The following FGF14 variants were observed in gnomAD, a reference collection of about 807,000 sequenced individuals.
The protein encoded by FGF14 is fibroblast growth factor homologous factor 4.
FGF14 carries 5 observed loss-of-function variants against 25.5 expected under a neutral mutation model. The observed-to-expected ratio is 0.20, with a 90% CI of 0.10 to 0.41. The LOEUF (loss-of-function observed/expected upper bound fraction) is 0.41. Ranked by LOEUF, FGF14 falls within the 10% of genes least tolerant of loss-of-function variation. The pLI, the probability that FGF14 is intolerant of heterozygous loss-of-function variation, is 1.00. For missense variants in FGF14, 222 were observed against 320.1 expected, an observed-to-expected ratio of 0.69 and a Z score of 2.34; for synonymous variants, 138 against 118.3, an observed-to-expected ratio of 1.17 and a Z score of -1.08.
chr13:101,921,656 A>C (rs1311474337), upstream of FGF14, among the ~76,000 whole-genome samples: 1 of 152,196 alleles, frequency 6.6e-6, no homozygotes, highest in Non-Finnish European at 1.5e-5. Flanking sequence ...TCAAAACCAA[A>C]GTCCTCACTG....
intron 1 of FGF14, chr13:102,045,839 T>C (rs906854059): frequency 1.3e-4 from 20 of 152,384 alleles, no homozygotes; most frequent in African/African-American, 4.8e-4. Flanking sequence ...TGGTAGCTAC[T>C]TGGAGGCACT....
intron 1 of FGF14, among the ~76,000 whole-genome samples, chr13:102,000,491 G>GATA (rs1424899427): frequency 1.3e-5 from 2 of 152,172 alleles, no homozygotes; most frequent in Non-Finnish European, 2.9e-5. Flanking sequence ...AACTCTAGGT[G>GATA]ATAATATTGC....
At chr13:101,863,650 GGT>G (rs1249580103) in intron 3 of FGF14, among the ~76,000 whole-genome samples, 3 of 152,030 alleles carry the variant, frequency 2.0e-5, no homozygotes, top group African/African-American at 7.2e-5. Context: ...TATGTCTTTG[GGT>G]GTGTTACTCT....
intron 3 of FGF14, among the ~76,000 whole-genome samples, chr13:101,810,041 C>A (rs964304856): frequency 1.3e-5 from 2 of 152,090 alleles, no homozygotes; most frequent in African/African-American, 4.8e-5. Context: ...AGATTAGTAG[C>A]TTTTAGTCAG....
chr13:101,951,889 C>T (rs867524113), intron 1 of FGF14, among the ~76,000 whole-genome samples: 93 of 152,196 alleles, frequency 6.1e-4, no homozygotes, highest in African/African-American at 2.2e-3. Flanking sequence ...GAGAATACTA[C>T]ATCATATTCA....
intron 1 of FGF14, among the ~76,000 whole-genome samples, chr13:102,290,692 G>T (rs1233038543): frequency 6.6e-6 from 1 of 152,138 alleles, no homozygotes; most frequent in African/African-American, 2.4e-5. Context: ...ACTTGGCTGT[G>T]GTCTTCAGCT....
intron 3 of FGF14, among the ~76,000 whole-genome samples, chr13:101,810,100 T>C (rs2041415987): frequency 6.6e-6 from 1 of 152,192 alleles, no homozygotes; most frequent in Non-Finnish European, 1.5e-5. Flanking sequence ...CACTTCATCA[T>C]TACTACCCAA....
chr13:101,981,028 G>A (rs1402855571), intron 1 of FGF14, among the ~76,000 whole-genome samples: 2 of 151,526 alleles, frequency 1.3e-5, no homozygotes, highest in East Asian at 4.0e-4. Flanking sequence ...GATTGCCTGA[G>A]TTCAGGAGTT....
At chr13:101,763,973 T>C (rs1199568340) in intron 3 of FGF14, among the ~76,000 whole-genome samples, 3 of 152,044 alleles carry the variant, frequency 2.0e-5, no homozygotes, top group South Asian at 2.1e-4. Flanking sequence ...TTTGGTCCTA[T>C]ATGTATGCAT....
At chr13:102,081,131 C>A (rs144263905) in intron 1 of FGF14, among the ~76,000 whole-genome samples, 1 of 152,316 alleles carries the variant, frequency 6.6e-6, no homozygotes, top group East Asian at 1.9e-4. Context: ...ATAAAAGATA[C>A]CTGAATTAAT....
intron 3 of FGF14, among the ~76,000 whole-genome samples, chr13:101,733,610 AAAGAG>A (rs1566831473): frequency 1.6e-5 from 2 of 126,944 alleles, no homozygotes; most frequent in African/African-American, 2.9e-5. Flanking sequence ...AAAAAAAAAA[AAAGAG>A]AGAGAGGAGA....
chr13:102,219,465 T>G (rs1360184417), intron 1 of FGF14, among the ~76,000 whole-genome samples: 1 of 152,222 alleles, frequency 6.6e-6, no homozygotes, highest in Admixed American at 6.5e-5. Context: ...CATATCTTGC[T>G]AAAGTTAGTT....
At chr13:101,973,745 G>A (rs1237542014) in intron 1 of FGF14, among the ~76,000 whole-genome samples, 2 of 152,166 alleles carry the variant, frequency 1.3e-5, no homozygotes, top group African/African-American at 4.8e-5. Context: ...GATTAAGGGT[G>A]GGTCTGCCTT....
intron 1 of FGF14, among the ~76,000 whole-genome samples, chr13:101,881,659 C>G (rs990717216): frequency 1.3e-5 from 2 of 152,136 alleles, no homozygotes; most frequent in Non-Finnish European, 2.9e-5. Context: ...CTAGAAAAAG[C>G]TTTCCTGATT....
chr13:101,953,093 C>T (rs1442144136), intron 1 of FGF14, among the ~76,000 whole-genome samples: 6 of 150,492 alleles, frequency 4.0e-5, no homozygotes, highest in Admixed American at 3.3e-4. Flanking sequence ...TTTACCCTCC[C>T]TCTACTATTT....
At chr13:101,796,670 C>G (rs2040541607) in intron 3 of FGF14, among the ~76,000 whole-genome samples, 1 of 151,908 alleles carries the variant, frequency 6.6e-6, no homozygotes, top group African/African-American at 2.4e-5. Context: ...AGAGGAATGA[C>G]TATGAAAAGA....
intron 1 of FGF14, among the ~76,000 whole-genome samples, chr13:101,995,793 G>A (rs1312617429): frequency 6.6e-6 from 1 of 152,094 alleles, no homozygotes; most frequent in East Asian, 1.9e-4. Context: ...TTTGAAAACT[G>A]CATCTAAACA....
At chr13:102,348,250 T>C (rs985241272) in intron 1 of FGF14, among the ~76,000 whole-genome samples, 30 of 152,194 alleles carry the variant, frequency 2.0e-4, no homozygotes, top group African/African-American at 7.2e-4. Context: ...TGTTAAGAAC[T>C]CTACATTATT....
chr13:102,287,751 T>C (rs1343230467), intron 1 of FGF14, among the ~76,000 whole-genome samples: 2 of 152,214 alleles, frequency 1.3e-5, no homozygotes, highest in African/African-American at 2.4e-5. Context: ...TTTACTTCCA[T>C]GCTAAACCCC....
Sources: gnomAD v4.1 joint callset for allele counts (sites outside exome capture counted in the v4.1 genomes callset) on GRCh38, gnomAD v4.1.1 for gene constraint, MANE v1.5 for transcripts, NCBI Gene and HGNC (gene_info 2026-07-23, HGNC 2026-07-21) for gene names.